The following FSD1L variants were observed in gnomAD, a reference collection of about 807,000 sequenced individuals.
FSD1L encodes fibronectin type III and SPRY domain containing 1 like, also known as FSD1-like protein.
Under a neutral mutation model 71.6 loss-of-function variants are expected in FSD1L, and 45 were observed. That is an observed-to-expected ratio of 0.63 (90% CI 0.49 to 0.81). The LOEUF is 0.81. FSD1L is among the 30% of genes least tolerant of loss of function. The probability of loss-of-function intolerance (pLI) is 0.00; values close to 1 mark genes in which losing one functional copy is unlikely to be tolerated. For synonymous variants in FSD1L, 197 were observed against 207.2 expected, an observed-to-expected ratio of 0.95 and a Z score of 0.42; for missense variants, 561 against 618.1, an observed-to-expected ratio of 0.91 and a Z score of 0.98.
Position 105,539,369 on chromosome 9 carries a change from C to T in FSD1L, c.1467+18C>T, listed in dbSNP as rs77849090. The T allele has an allele frequency of 5.7e-3, 6,286 of 1,094,052 alleles. 264 individuals are homozygous for T. In the African/African-American group the frequency reaches 0.089, roughly 16 times the overall value. The allele number at this position is 1,094,052 out of a possible 1,614,324, so 67.8% of individuals were successfully genotyped here. Reference sequence around the variant, plus strand: ...GTTTCATGGTTAGTATGTTTTATATCTTATATATACCTAACATATTTTACT... The same window carrying T: ...GTTTCATGGTTAGTATGTTTTATATTTTATATATACCTAACATATTTTACT... On this transcript the variant is annotated intron_variant, in intron 13 of 13. Transcript: ENST00000481272.
At chr9:105,506,636 A>G in intron 8 of FSD1L, 28 bp downstream of exon 8, 1 of 1,379,028 alleles carries the variant, frequency 7.3e-7, no homozygotes, top group Non-Finnish European at 1.0e-6. Flanking sequence ...TAGGACTCTC[A>G]TTCTCAGAAG....
At chr9:105,531,663 A>C (rs1473324405) in intron 10 of FSD1L, among the ~76,000 whole-genome samples, 1 of 152,232 alleles carries the variant, frequency 6.6e-6, no homozygotes. Flanking sequence ...AGGAAGATTA[A>C]TGTGCAGTCA....
chr9:105,465,639 T>C (rs1021868744), intron 3 of FSD1L, among the ~76,000 whole-genome samples: 3 of 151,774 alleles, frequency 2.0e-5, no homozygotes, highest in Non-Finnish European at 4.4e-5. Context: ...TTAACAAAAC[T>C]AAAGACAAAA....
rs913991980 is a variant in FSD1L, at chr9:105,549,229, T to C, written c.*2746T>C. On this transcript the variant is annotated 3_prime_UTR_variant, in exon 14 of 14. Transcript: ENST00000481272. Reference sequence around the variant, plus strand: ...ATAAAACAGTTGTTTTCTAAAAACATGCATTTAGTATGGCATTCTCTTTTA... The same window carrying C: ...ATAAAACAGTTGTTTTCTAAAAACACGCATTTAGTATGGCATTCTCTTTTA... 1.3e-5 allele frequency: 2 copies of C among 152,120 alleles called. No individual in the cohort carries two copies. The highest frequency in any genetic ancestry group is 6.6e-5 in the Admixed American group (1 of 15,256). 9.4% of individuals were successfully genotyped at this position (152,120 alleles called of 1,614,324 possible). A position where few individuals can be genotyped will look rare whatever the true frequency, so the allele number is the denominator to read the frequency against.
chr9:105,532,826 T>A (rs1383750070), intron 10 of FSD1L, among the ~76,000 whole-genome samples: 1 of 152,230 alleles, frequency 6.6e-6, no homozygotes, highest in Non-Finnish European at 1.5e-5. Context: ...CTTTTGCTAC[T>A]TAATATTATA....
chr9:105,516,711 T>C (rs1834748727), intron 10 of FSD1L, among the ~76,000 whole-genome samples: 1 of 152,078 alleles, frequency 6.6e-6, no homozygotes, highest in Non-Finnish European at 1.5e-5. Context: ...TCCACAAAGA[T>C]GGGGAGAAAC....
chr9:105,506,307 C>G, intron 7 of FSD1L, 92 bp from the exon 8 acceptor site: 1 of 935,752 alleles, frequency 1.1e-6, no homozygotes, highest in Non-Finnish European at 1.6e-6. Flanking sequence ...AATGAAAAAG[C>G]AGTTTGAATG....
chr9:105,522,516 G>A, intron 10 of FSD1L: 2 of 1,613,796 alleles, frequency 1.2e-6, no homozygotes, highest in Non-Finnish European at 1.7e-6. Flanking sequence ...GCAAAAAACT[G>A]TCGATATTGA....
At chr9:105,513,757 A>T in intron 10 of FSD1L, 1 of 665,684 alleles carries the variant, frequency 1.5e-6, no homozygotes, top group Middle Eastern at 3.2e-4. Flanking sequence ...AAGCTAAAAT[A>T]CTGCTCTGTG....
intron 7 of FSD1L, among the ~76,000 whole-genome samples, chr9:105,492,762 G>T (rs938260462): frequency 1.3e-5 from 2 of 152,162 alleles, no homozygotes; most frequent in African/African-American, 4.8e-5. Flanking sequence ...TATGTACCCA[G>T]TAGTCATTCA....
chr9:105,449,206 CCTT>C (rs1228016476), intron 1 of FSD1L, among the ~76,000 whole-genome samples: 2 of 152,152 alleles, frequency 1.3e-5, no homozygotes, highest in Admixed American at 6.5e-5. Flanking sequence ...TCTACATTCA[CCTT>C]CTTGAGGATC....
chr9:105,444,546 C>CAATA (rs1409121330), upstream of FSD1L, among the ~76,000 whole-genome samples: 1 of 152,136 alleles, frequency 6.6e-6, no homozygotes, highest in Non-Finnish European at 1.5e-5. Context: ...GGGCTGCAGG[C>CAATA]AATACCTGGC....
rs1833407145 is a variant in FSD1L at position 105,496,379 on chromosome 9, C to G, written c.587-10020C>G. On this transcript the variant is annotated intron_variant, in intron 7 of 13. Coordinates refer to ENST00000481272, the MANE Select transcript of FSD1L (RefSeq NM_001145313.3). ...AATACTGTGTTGCCTTTATCTGGAT[C>G]CTTTGCCTTTCCATATAAACTTTAG... is the stretch of plus-strand genomic sequence containing the variant. Among the ~76,000 whole-genome samples the G allele has an allele frequency of 5.9e-5, 9 of 152,062 alleles. No homozygotes were observed. The South Asian group carries it at 1.9e-3, about 32-fold the overall frequency.
intron 10 of FSD1L, chr9:105,530,676 A>G: frequency 5.0e-6 from 3 of 594,572 alleles, no homozygotes; most frequent in Non-Finnish European, 9.0e-6. Flanking sequence ...CTCAGCAGAC[A>G]CTCTGACCAC....
chr9:105,448,833 C>A (rs1169132320), intron 1 of FSD1L, among the ~76,000 whole-genome samples: 3 of 152,230 alleles, frequency 2.0e-5, no homozygotes, highest in Non-Finnish European at 2.9e-5. Flanking sequence ...TTCCCACTCT[C>A]TGACCAGTTG....
At chr9:105,497,766 A>G (rs577099463) in intron 7 of FSD1L, among the ~76,000 whole-genome samples, 1 of 152,246 alleles carries the variant, frequency 6.6e-6, no homozygotes, top group South Asian at 2.1e-4. Context: ...TTGATCTGTC[A>G]AAGAACCAGG....
chr9:105,545,040 T>C (rs1050216987), intron 13 of FSD1L, among the ~76,000 whole-genome samples: 13 of 152,294 alleles, frequency 8.5e-5, no homozygotes, highest in African/African-American at 2.9e-4. Context: ...TTCACGATAT[T>C]GATTCTTCCT....
chr9:105,456,154 G>GTTCTGACCT (rs1830344380), intron 1 of FSD1L, among the ~76,000 whole-genome samples: 1 of 152,140 alleles, frequency 6.6e-6, no homozygotes, highest in Admixed American at 6.5e-5. Flanking sequence ...GCCTTTAGCC[G>GTTCTGACCT]TTCTGACCTT....
chr9:105,528,766 C>A (rs536599630), intron 10 of FSD1L, among the ~76,000 whole-genome samples: 2 of 152,156 alleles, frequency 1.3e-5, no homozygotes, highest in Admixed American at 1.3e-4. Flanking sequence ...GCAACAAAAG[C>A]CAGAATTGAC....
Sources: allele counts gnomAD v4.1 joint callset (sites outside exome capture counted in the v4.1 genomes callset), GRCh38; gene constraint gnomAD v4.1.1; transcripts MANE v1.5; gene names NCBI Gene and HGNC (gene_info 2026-07-23, HGNC 2026-07-21).